ALDH5A1: variants seen among roughly 807,000 people sequenced by gnomAD.
ALDH5A1 encodes succinate-semialdehyde dehydrogenase, mitochondrial.
A neutral mutation model predicts 54.7 loss-of-function variants in ALDH5A1; 33 were observed. The observed-to-expected ratio is 0.60, with a 90% CI of 0.46 to 0.81. The LOEUF (loss-of-function observed/expected upper bound fraction) is 0.81, where lower values mean the gene tolerates loss of function less well. Among genes scored for constraint, ALDH5A1 ranks in the 30% least tolerant of loss-of-function variants. The probability of loss-of-function intolerance (pLI) is 0.00; values close to 1 mark genes in which losing one functional copy is unlikely to be tolerated. For missense variants in ALDH5A1, 657 were observed against 711.0 expected (o/e 0.92, Z 0.86); for synonymous variants, 294 against 292.7 (o/e 1.00, Z -0.05).
At chr6:24,523,992 T>G (rs1759755481) in intron 7 of ALDH5A1, among the ~76,000 whole-genome samples, 4 of 149,774 alleles carry the variant, frequency 2.7e-5, no homozygotes, top group Non-Finnish European at 1.5e-5. Flanking sequence ...TGTGTTTTTT[T>G]TTTTTTTTTT....
At position 24,502,542 on chromosome 6, in the gene ALDH5A1, G is replaced by A. The variant is rs753604213; in HGVS notation, c.374G>A (p.Arg125Gln). Residue 125 changes from arginine to glutamine, a missense_variant, in exon 2 of 10, where the codon CGG becomes CAG. Arg to Gln is a conservative substitution (Grantham distance 43, BLOSUM62 1). This residue lies in a region of ALDH5A1 where 232 missense variants were observed against 194.6 expected (regional missense o/e 1.19). Coordinates refer to ENST00000357578, the MANE Select transcript of ALDH5A1 (RefSeq NM_001080.3). ...VSAKERSSLL[R>Q]KWYNLMIQNK... is the part of the protein sequence containing the mutation. ...TTGCAGGAGAGGAGTTCATTACTTC[G>A]GAAGTGGTACAATTTAATGATACAA... is the stretch of plus-strand genomic sequence containing the variant. 16 of 1,612,634 alleles carry A rather than the reference G, an allele frequency of 9.9e-6. No individual in the cohort carries two copies. The highest frequency in any genetic ancestry group is 3.3e-5 in the South Asian group (3 of 91,036).
chr6:24,517,325 G>T (rs1759594612), intron 5 of ALDH5A1, among the ~76,000 whole-genome samples: 1 of 152,136 alleles, frequency 6.6e-6, no homozygotes, highest in Non-Finnish European at 1.5e-5. Context: ...TACTTTTAAT[G>T]TCTCCCAACC....
At chr6:24,498,353 A>G (rs1360219180) in intron 1 of ALDH5A1, among the ~76,000 whole-genome samples, 2 of 152,176 alleles carry the variant, frequency 1.3e-5, no homozygotes, top group Non-Finnish European at 2.9e-5. Context: ...GGAAATGGTG[A>G]GATCACAGGA....
Position 24,522,892 on chromosome 6 carries a change from G to A in ALDH5A1, c.1140G>A (p.Gln380=), listed in dbSNP as rs1759725179. ...ATGGATTTGAGGAAGGAACTACTCA[G>A]GGCCCATTAATTAATGAAAAAGCGG... ...VGNGFEEGTT[Q]GPLINEKAVE... The change falls in exon 7 of 10, where the codon CAG becomes CAA. Residue 380 remains glutamine (Q), a synonymous_variant. Transcript: ENST00000357578. 5 of 1,614,046 alleles carry A rather than the reference G, an allele frequency of 3.1e-6. No homozygotes were observed. Among genetic ancestry groups the A allele is most frequent in the Non-Finnish European group, 4.2e-6 (5 of 1,180,014 alleles).
chr6:24,520,812 G>GC (rs567181501), intron 6 of ALDH5A1, among the ~76,000 whole-genome samples: 1 of 151,920 alleles, frequency 6.6e-6, no homozygotes, highest in African/African-American at 2.4e-5. Context: ...GCTCAGAGGG[G>GC]CCCCCCCAAA....
At chr6:24,498,518 C>T (rs1167430834) in intron 1 of ALDH5A1, among the ~76,000 whole-genome samples, 1 of 152,144 alleles carries the variant, frequency 6.6e-6, no homozygotes, top group African/African-American at 2.4e-5. Context: ...AGCTGCAGGG[C>T]GGGTGTTGGG....
chr6:24,509,071 G>C lies in ALDH5A1; in HGVS notation c.726+4086G>C, dbSNP rs542996900. Among the ~76,000 whole-genome samples, 2 of 152,186 alleles carry C rather than the reference G, an allele frequency of 1.3e-5. No individual in the cohort carries two copies. The highest frequency in any genetic ancestry group is 4.1e-4 in the South Asian group (2 of 4,820). ...CTTTCTCCTGCTCTGTGGGTTGTCT[G>C]TTTACTCTGCTGACTGTTCCTTTTG... On this transcript the variant is annotated intron_variant, in intron 4 of 9. Transcript: ENST00000357578. This position sits in a 1 kb window ranked among gnomAD's most constrained non-coding sequence, Gnocchi z 4.7.
intron 1 of ALDH5A1, among the ~76,000 whole-genome samples, chr6:24,497,793 C>G (rs1764743598): frequency 6.6e-6 from 1 of 152,056 alleles, no homozygotes; most frequent in Admixed American, 6.5e-5. Context: ...ATTCTAAGGA[C>G]TTGGTTTTTA....
At chr6:24,513,224 T>G (rs1759494838) in intron 4 of ALDH5A1, among the ~76,000 whole-genome samples, 1 of 152,038 alleles carries the variant, frequency 6.6e-6, no homozygotes. Context: ...CATACCCAGC[T>G]AATTTTGTTT....
intron 9 of ALDH5A1, 121 bp from the exon 10 acceptor site, chr6:24,533,386 G>T: frequency 1.0e-6 from 1 of 990,776 alleles, no homozygotes. Context: ...TTATCTGGGA[G>T]CAGGGAAGAC....
rs1321557466 is a variant in ALDH5A1 at position 24,499,658 on chromosome 6, A to T, written c.355-2865A>T. Among the ~76,000 whole-genome samples the T allele has an allele frequency of 5.5e-5, 8 of 146,422 alleles. No individual in the cohort carries two copies. In the East Asian group the frequency reaches 1.6e-3, roughly 29 times the overall value. Reference sequence around the variant, plus strand: ...CAAGCATGCACCACCACACCCAGATAATTTCTTTTCTTTTTTTTTTTTTTT... The same window carrying T: ...CAAGCATGCACCACCACACCCAGATTATTTCTTTTCTTTTTTTTTTTTTTT... On this transcript the variant is annotated intron_variant, in intron 1 of 9. Coordinates refer to ENST00000357578, the MANE Select transcript of ALDH5A1 (RefSeq NM_001080.3).
chr6:24,521,786 A>G (rs1230783505), intron 6 of ALDH5A1, among the ~76,000 whole-genome samples: 2 of 151,958 alleles, frequency 1.3e-5, no homozygotes, highest in Non-Finnish European at 2.9e-5. Flanking sequence ...TGGGAGGCCA[A>G]AGCAGGAGGA....
At position 24,536,910 on chromosome 6, in the gene ALDH5A1, GAAAT is replaced by G. The variant is rs1468493746; in HGVS notation, c.*3199_*3202del. On this transcript the variant is annotated 3_prime_UTR_variant, in exon 10 of 10. Transcript: ENST00000357578. Reference sequence around the variant, plus strand: ...TACTGTTAACTTCAATTATGAACTTGAAATTGTGCCACATGACTTTTTCCTCTAA... The same window carrying G: ...TACTGTTAACTTCAATTATGAACTTGTGTGCCACATGACTTTTTCCTCTAA... The G allele has an allele frequency of 6.6e-6, 1 of 152,622 alleles. No homozygotes were observed. The highest frequency in any genetic ancestry group is 2.4e-5 in the African/African-American group (1 of 41,446). 9.5% of individuals were successfully genotyped at this position (152,622 alleles called of 1,614,324 possible).
chr6:24,513,905 G>T (rs1293902902), intron 4 of ALDH5A1, among the ~76,000 whole-genome samples: 1 of 152,174 alleles, frequency 6.6e-6, no homozygotes, highest in Non-Finnish European at 1.5e-5. Context: ...TTTGTGGTTT[G>T]TGGAGATACC....
At chr6:24,506,235 C>T (rs1230662048) in intron 4 of ALDH5A1, among the ~76,000 whole-genome samples, 11 of 116,590 alleles carry the variant, frequency 9.4e-5, no homozygotes, top group African/African-American at 2.8e-4. Context: ...CTCCTTCTTT[C>T]CTGGTTCCTT....
intron 1 of ALDH5A1, 118 bp downstream of exon 1, chr6:24,495,468 G>A (rs1217764797): frequency 9.9e-7 from 1 of 1,012,530 alleles, no homozygotes; most frequent in African/African-American, 1.7e-5. Context: ...CAGTTCCCCA[G>A]GGTATACAAA....
chr6:24,498,551 A>G (rs1764755318), intron 1 of ALDH5A1, among the ~76,000 whole-genome samples: 1 of 152,244 alleles, frequency 6.6e-6, no homozygotes, highest in African/African-American at 2.4e-5. Context: ...CACTAGCAGC[A>G]TTATCCTGTG....
chr6:24,520,950 C>G (rs1759672342), intron 6 of ALDH5A1, among the ~76,000 whole-genome samples: 1 of 152,176 alleles, frequency 6.6e-6, no homozygotes, highest in East Asian at 1.9e-4. Flanking sequence ...TTTCATTGAT[C>G]TTTTTTCTAC....
At chr6:24,497,904 G>C (rs989938998) in intron 1 of ALDH5A1, among the ~76,000 whole-genome samples, 2 of 152,220 alleles carry the variant, frequency 1.3e-5, no homozygotes, top group Non-Finnish European at 2.9e-5. Context: ...AATAGATGAA[G>C]AGTGGTGGAA....
Sources: gnomAD v4.1 joint callset for allele counts (sites outside exome capture counted in the v4.1 genomes callset) on GRCh38, gnomAD v4.1.1 for gene constraint, gnomAD v4.1.1 regional missense constraint, Gnocchi (gnomAD v3.1) non-coding constraint, MANE v1.5 for transcripts, NCBI Gene and HGNC (gene_info 2026-07-23, HGNC 2026-07-21) for gene names.